CDH13: variants seen among roughly 807,000 people sequenced by gnomAD.
CDH13 encodes cadherin-13.
A neutral mutation model predicts 63.8 loss-of-function variants in CDH13; 24 were observed. That is an observed-to-expected ratio of 0.38 (90% confidence interval 0.27 to 0.53). CDH13 has a LOEUF of 0.53. CDH13 is among the 20% of genes least tolerant of loss of function. CDH13 has a pLI of 0.85. For synonymous variants in CDH13, 503 were observed against 355.3 expected (o/e 1.42, Z -4.67); for missense variants, 1,049 against 903.1 (o/e 1.16, Z -2.07).
intron 6 of CDH13, among the ~76,000 whole-genome samples, chr16:83,432,496 T>A (rs960550660): frequency 2.0e-5 from 3 of 152,170 alleles, no homozygotes; most frequent in Non-Finnish European, 4.4e-5. Flanking sequence ...TTCTGGGGCA[T>A]GGAGAACAGT....
chr16:82,758,678 G>A (rs2034716124), intron 1 of CDH13, among the ~76,000 whole-genome samples: 1 of 152,192 alleles, frequency 6.6e-6, no homozygotes, highest in African/African-American at 2.4e-5. Context: ...ATCTTCCTCT[G>A]GAGGGGTAGT....
At chr16:83,184,125 C>CACACACAT (rs1171567647) in intron 4 of CDH13, among the ~76,000 whole-genome samples, 1 of 142,066 alleles carries the variant, frequency 7.0e-6, no homozygotes. Context: ...CACACACACA[C>CACACACAT]ATACACACAC....
intron 5 of CDH13, among the ~76,000 whole-genome samples, chr16:83,242,606 A>G (rs1215743656): frequency 6.6e-6 from 1 of 152,200 alleles, no homozygotes; most frequent in Non-Finnish European, 1.5e-5. Flanking sequence ...AGATTGAAGA[A>G]GGCTCATGGA....
chr16:82,800,914 T>C (rs750393425), intron 1 of CDH13, among the ~76,000 whole-genome samples: 2 of 152,168 alleles, frequency 1.3e-5, no homozygotes, highest in African/African-American at 2.4e-5. Context: ...ATTTCCTTTT[T>C]CCTCCTTTCG....
At chr16:83,492,811 C>G (rs1426530069) in intron 7 of CDH13, among the ~76,000 whole-genome samples, 1 of 152,150 alleles carries the variant, frequency 6.6e-6, no homozygotes, top group African/African-American at 2.4e-5. Flanking sequence ...CTCCTCCACT[C>G]TGGATAAATT....
intron 2 of CDH13, chr16:82,990,315 T>C (rs4783304): frequency 0.3 from 44,953 of 152,054 alleles, 6,758 homozygotes; most frequent in Middle Eastern, 0.34. Context: ...TTTTTGTTTC[T>C]CTTGGAATGA....
intron 1 of CDH13, among the ~76,000 whole-genome samples, chr16:82,684,518 T>C (rs1288069056): frequency 6.6e-6 from 1 of 152,110 alleles, no homozygotes; most frequent in African/African-American, 2.4e-5. Flanking sequence ...AGAAGTTATG[T>C]CATGCATACC....
intron 5 of CDH13, among the ~76,000 whole-genome samples, chr16:83,331,784 A>T (rs1234855931): frequency 6.6e-6 from 1 of 152,166 alleles, no homozygotes; most frequent in Non-Finnish European, 1.5e-5. Flanking sequence ...ATATTTTTAC[A>T]TTCTCTAAAG....
intron 6 of CDH13, among the ~76,000 whole-genome samples, chr16:83,484,161 T>C (rs568087966): frequency 6.6e-6 from 1 of 152,322 alleles, no homozygotes; most frequent in African/African-American, 2.4e-5. Context: ...GCCTAATGAC[T>C]GATACTCTGA....
At chr16:82,999,438 C>T (rs1912620284) in intron 2 of CDH13, among the ~76,000 whole-genome samples, 1 of 150,558 alleles carries the variant, frequency 6.6e-6, no homozygotes, top group South Asian at 2.1e-4. Context: ...ATCATAACCA[C>T]ATAACACATG....
intron 2 of CDH13, among the ~76,000 whole-genome samples, chr16:82,923,130 C>T (rs2042207024): frequency 6.6e-6 from 1 of 152,126 alleles, no homozygotes; most frequent in African/African-American, 2.4e-5. Flanking sequence ...TTGCTCAATG[C>T]AGGGTTGCCA....
chr16:83,115,727 T>C (rs886732893), intron 3 of CDH13, among the ~76,000 whole-genome samples: 25 of 152,238 alleles, frequency 1.6e-4, no homozygotes, highest in Non-Finnish European at 2.8e-4. Flanking sequence ...TTGCTAAAAA[T>C]ATCTCCTCTT....
intron 1 of CDH13, among the ~76,000 whole-genome samples, chr16:82,634,798 G>T (rs916961501): frequency 3.2e-4 from 49 of 152,330 alleles, no homozygotes; most frequent in African/African-American, 1.2e-3. Context: ...AGCCGTTGGG[G>T]ACTTTTCCTC....
intron 3 of CDH13, among the ~76,000 whole-genome samples, chr16:83,060,345 A>T (rs1159758315): frequency 6.6e-6 from 1 of 152,208 alleles, no homozygotes; most frequent in Admixed American, 6.5e-5. Flanking sequence ...CTCCATTCTT[A>T]AAAATCCAGC....
intron 4 of CDH13, among the ~76,000 whole-genome samples, chr16:83,138,984 G>A (rs549829300): frequency 4.3e-4 from 65 of 152,052 alleles, no homozygotes; most frequent in Non-Finnish European, 7.6e-4. Flanking sequence ...TCTATAGGAC[G>A]CTGAACAAAG....
intron 2 of CDH13, among the ~76,000 whole-genome samples, chr16:83,000,770 A>C (rs924070611): frequency 1.3e-5 from 2 of 151,752 alleles, no homozygotes; most frequent in Non-Finnish European, 2.9e-5. Flanking sequence ...TAGTAGAGAC[A>C]GGGTTTCACC....
At chr16:82,925,399 G>A (rs764444415) in intron 2 of CDH13, among the ~76,000 whole-genome samples, 1 of 152,232 alleles carries the variant, frequency 6.6e-6, no homozygotes, top group Non-Finnish European at 1.5e-5. Context: ...CTGGTAATCA[G>A]CCATGGCATT....
chr16:82,628,493 G>A (rs1597157672), intron 1 of CDH13, among the ~76,000 whole-genome samples: 1 of 152,112 alleles, frequency 6.6e-6, no homozygotes, highest in Non-Finnish European at 1.5e-5. Flanking sequence ...TTGGAAATGG[G>A]CTAACATCTC....
Position 83,097,154 on chromosome 16 carries a change from G to A in CDH13, c.367-28231G>A, listed in dbSNP as rs114303327. ...GATATCACCATAAAGGAGGAGACTC[G>A]GTTGCCTTTGTTTTTATTATTAAAA... is the stretch of plus-strand genomic sequence containing the variant. On this transcript the variant is annotated intron_variant, in intron 3 of 13. Transcript: ENST00000567109. 4.0e-3 allele frequency among the ~76,000 whole-genome samples: 605 copies of A among 152,166 alleles called. 2 individuals carry two copies. The highest frequency in any genetic ancestry group is 0.014 in the African/African-American group (577 of 41,498).
Sources: gnomAD v4.1 joint callset for allele counts (sites outside exome capture counted in the v4.1 genomes callset) on GRCh38, gnomAD v4.1.1 for gene constraint, MANE v1.5 for transcripts, NCBI Gene and HGNC (gene_info 2026-07-23, HGNC 2026-07-21) for gene names.